CST3: variants seen among roughly 807,000 people sequenced by gnomAD.
CST3 encodes the protein cystatin-C.
CST3 carries 14 observed loss-of-function variants against 9.0 expected under a neutral mutation model. That is an observed-to-expected ratio of 1.56 (90% CI 1.03 to 2.44). The LOEUF (loss-of-function observed/expected upper bound fraction) is 2.44, where lower values mean the gene tolerates loss of function less well. Among genes scored for constraint, CST3 ranks in the 30% most tolerant of loss-of-function variants. CST3 has a pLI of 0.00. For synonymous variants in CST3, 96 were observed against 90.2 expected, an observed-to-expected ratio of 1.06 and a Z score of -0.37; for missense variants, 237 against 204.3, an observed-to-expected ratio of 1.16 and a Z score of -0.98.
chr20:23,630,461 C>T (rs1367779026), downstream of CST3, among the ~76,000 whole-genome samples: 2 of 152,216 alleles, frequency 1.3e-5, no homozygotes, highest in African/African-American at 4.8e-5. Flanking sequence ...CTATTTTAGT[C>T]ACCATTGTGT....
downstream of CST3, chr20:23,628,673 G>T (rs6048957): frequency 6.6e-6 from 1 of 152,190 alleles, no homozygotes; most frequent in Non-Finnish European, 1.5e-5. Context: ...GCGGGCATCA[G>T]GCTCTGCTTG....
At chr20:23,635,178 T>A (rs1331776181) in intron 2 of CST3, 76 bp downstream of exon 2, 1 of 1,195,552 alleles carries the variant, frequency 8.4e-7, no homozygotes, top group East Asian at 2.4e-5. Context: ...GCAGAACATG[T>A]GCATCACACA....
downstream of CST3, chr20:23,632,121 G>T: frequency 6.6e-6 from 1 of 152,402 alleles, no homozygotes. Context: ...TGGGCTGTGG[G>T]CCATGGGGCC....
At chr20:23,630,169 G>A (rs897538198), downstream of CST3, among the ~76,000 whole-genome samples, 9 of 152,288 alleles carry the variant, frequency 5.9e-5, no homozygotes, top group South Asian at 1.0e-3. Flanking sequence ...CAATGTCCAC[G>A]TCCCATCCCA....
rs912284798 is a variant in CST3 at position 23,637,738 on chromosome 20, G to C, written c.125C>G (p.Ala42Gly). The change falls in exon 1 of 3, where the codon GCC (alanine) becomes GGC (glycine). Residue 42 changes from alanine (A) to glycine (G), a missense_variant. Ala to Gly is a moderately conservative substitution (Grantham distance 60). Transcript: ENST00000376925. ...CCGCACACCCTCCTCCTCCACGCTGGCGTCCATGGGGCCTCCCACTAGGCG... is the reference window on the plus strand; with the variant it reads ...CCGCACACCCTCCTCCTCCACGCTGCCGTCCATGGGGCCTCCCACTAGGCG... ...PPRLVGGPMD[A>G]SVEEEGVRRA... 6.5e-7 allele frequency: 1 copy of C among 1,540,238 alleles called. No homozygotes were observed. Among genetic ancestry groups the C allele is most frequent in the Admixed American group, 2.0e-5 (1 of 50,686 alleles).
downstream of CST3, among the ~76,000 whole-genome samples, chr20:23,630,802 T>G (rs139777986): frequency 8.9e-3 from 1,330 of 149,398 alleles, 27 homozygotes; most frequent in African/African-American, 0.031. Context: ...AACTCAATAG[T>G]CTTCTATTGA....
chr20:23,629,180 G>A (rs1165321574), downstream of CST3: 1 of 152,312 alleles, frequency 6.6e-6, no homozygotes, highest in Non-Finnish European at 1.5e-5. Context: ...CCAAAGGGTA[G>A]AGTCAGCTTC....
At position 23,637,815 on chromosome 20, in the gene CST3, G is replaced by C; in HGVS notation, c.48C>G (p.Ala16=). 1 of 1,389,054 alleles carries C rather than the reference G, an allele frequency of 7.2e-7. No homozygotes were observed. The highest frequency in any genetic ancestry group is 1.6e-5 in the African/African-American group (1 of 63,674). 86.0% of individuals were successfully genotyped at this position (1,389,054 alleles called of 1,614,324 possible). A position where few individuals can be genotyped will look rare whatever the true frequency, so the allele number is the denominator to read the frequency against. The change falls in exon 1 of 3, where the codon GCC becomes GCG. Residue 16 remains alanine (A), a synonymous_variant. Transcript: ENST00000376925. ...CCGCGGGGCTCACGGCCAGGGCCACGGCCAGGATGGCCAGCAGGAGCAGCG... is the reference window on the plus strand; with the variant it reads ...CCGCGGGGCTCACGGCCAGGGCCACCGCCAGGATGGCCAGCAGGAGCAGCG... ...RAPLLLLAIL[A]VALAVSPAAG...
At chr20:23,636,847 G>A (rs1353094511) in intron 1 of CST3, among the ~76,000 whole-genome samples, 2 of 152,216 alleles carry the variant, frequency 1.3e-5, no homozygotes, top group South Asian at 2.1e-4. Flanking sequence ...CACGAAGGCC[G>A]TCAACAGACA....
chr20:23,626,845 A>G (rs1979273989), exon 4 of CST3: 1 of 152,138 alleles, frequency 6.6e-6, no homozygotes, highest in Non-Finnish European at 1.5e-5. Context: ...TGGTAAATTT[A>G]TGGTCAAGTT....
chr20:23,635,684 C>T (rs902596606), intron 1 of CST3, among the ~76,000 whole-genome samples: 8 of 152,324 alleles, frequency 5.3e-5, no homozygotes, highest in South Asian at 2.1e-4. Flanking sequence ...GATGAAATTT[C>T]GGCAAACTTC....
At chr20:23,631,245 T>G (rs1979442424), downstream of CST3, among the ~76,000 whole-genome samples, 1 of 152,086 alleles carries the variant, frequency 6.6e-6, no homozygotes, top group Admixed American at 6.6e-5. Flanking sequence ...TGACCTATGG[T>G]TATGGAAATC....
exon 4 of CST3, chr20:23,628,092 G>T (rs1367954490): frequency 6.6e-6 from 1 of 151,830 alleles, no homozygotes; most frequent in African/African-American, 2.4e-5. Flanking sequence ...GGGAGGGGAT[G>T]AATTTAATTA....
At chr20:23,631,388 C>T (rs1228446731), downstream of CST3, among the ~76,000 whole-genome samples, 3 of 152,128 alleles carry the variant, frequency 2.0e-5, no homozygotes, top group Non-Finnish European at 4.4e-5. Flanking sequence ...GTAAATCCAG[C>T]CCTTAGGTAA....
chr20:23,637,598 C>T, intron 1 of CST3, 22 bp downstream of exon 1: 2 of 1,501,482 alleles, frequency 1.3e-6, no homozygotes, highest in East Asian at 2.8e-5. Context: ...GGGCTTCGGA[C>T]CCTGCGGGGG....
Position 23,637,261 on chromosome 20 carries a change from C to G in CST3, c.243+359G>C, listed in dbSNP as rs143903577. On this transcript the variant is annotated intron_variant, in intron 1 of 2. Transcript: ENST00000376925. The stretch of plus-strand genomic sequence containing the variant: ...AGCCAGATGAGGGGCTCTGTTTTTC[C>G]TTCTCCTGCGTATTCAGCAGCGCAC... Among the ~76,000 whole-genome samples, 1,340 of 152,358 alleles carry G rather than the reference C, an allele frequency of 8.8e-3. 27 individuals carry two copies. Among genetic ancestry groups the G allele is most frequent in the African/African-American group, 0.03 (1,258 of 41,582 alleles).
At chr20:23,632,445 C>T (rs539926761), downstream of CST3, 1 of 152,458 alleles carries the variant, frequency 6.6e-6, no homozygotes, top group East Asian at 1.9e-4. Flanking sequence ...GGGTGAGGCC[C>T]AGACTCAAAT....
At chr20:23,630,864 C>T (rs182789415), downstream of CST3, among the ~76,000 whole-genome samples, 5 of 150,914 alleles carry the variant, frequency 3.3e-5, no homozygotes, top group South Asian at 2.1e-4. Context: ...TTGGAAATAT[C>T]CCTGACCAAA....
At chr20:23,636,524 G>A (rs898684590) in intron 1 of CST3, among the ~76,000 whole-genome samples, 22 of 152,104 alleles carry the variant, frequency 1.4e-4, no homozygotes, top group African/African-American at 4.6e-4. Flanking sequence ...GAGGGTGAAG[G>A]CCGCTAGTCC....
Sources: gnomAD v4.1 joint callset for allele counts (sites outside exome capture counted in the v4.1 genomes callset) on GRCh38, gnomAD v4.1.1 for gene constraint, MANE v1.5 for transcripts, NCBI Gene and HGNC (gene_info 2026-07-23, HGNC 2026-07-21) for gene names.